Variants in CD163L1 observed in about 807,000 individuals in gnomAD.
The protein encoded by CD163L1 is CD163 molecule like 1, also known as scavenger receptor cysteine-rich type 1 protein M160.
A neutral mutation model predicts 165.4 loss-of-function variants in CD163L1; 124 were observed. The ratio of observed to expected loss-of-function variants is 0.75; its 90% CI spans 0.65 to 0.87. CD163L1 has a LOEUF of 0.87. Among genes scored for constraint, CD163L1 ranks in the 40% least tolerant of loss-of-function variants. The pLI is 0.00. For synonymous variants in CD163L1, 585 were observed against 662.2 expected (o/e 0.88, Z 1.79); for missense variants, 1,525 against 1,799.9 (o/e 0.85, Z 2.76).
At chr12:7,384,781 C>T (rs897473077) in intron 8 of CD163L1, among the ~76,000 whole-genome samples, 7 of 151,764 alleles carry the variant, frequency 4.6e-5, no homozygotes, top group Non-Finnish European at 8.8e-5. Context: ...ATTGGTCATA[C>T]AAGAAACACT....
chr12:7,391,039 TC>T (rs1480809375), intron 8 of CD163L1, among the ~76,000 whole-genome samples: 1 of 152,182 alleles, frequency 6.6e-6, no homozygotes, highest in African/African-American at 2.4e-5. Flanking sequence ...CTTCTGCATT[TC>T]CAACTGAGCC....
chr12:7,416,428 T>A (rs11053778), intron 4 of CD163L1, among the ~76,000 whole-genome samples: 18,725 of 152,206 alleles, frequency 0.12, 1,663 homozygotes, highest in African/African-American at 0.24. Flanking sequence ...TTTAATTAGA[T>A]CCCATTTGTC....
At chr12:7,397,417 A>T (rs1342400474) in intron 7 of CD163L1, among the ~76,000 whole-genome samples, 4 of 152,172 alleles carry the variant, frequency 2.6e-5, no homozygotes, top group Non-Finnish European at 4.4e-5. Flanking sequence ...TAAGGTACTG[A>T]ATTCTCAACC....
Position 7,403,532 on chromosome 12 carries a change from T to C in CD163L1, c.1408+3A>G. 1.2e-6 allele frequency: 2 copies of C among 1,608,590 alleles called. No individual in the cohort carries two copies. Among genetic ancestry groups the C allele is most frequent in the South Asian group, 2.2e-5 (2 of 89,904 alleles). On this transcript the variant is annotated splice_donor_region_variant and intron_variant, in intron 6 of 19. Coordinates refer to ENST00000313599, the MANE Select transcript of CD163L1 (RefSeq NM_174941.6). ...GTACACTCTCATGATCTTTGAACCT[T>C]ACCAGAACAAATTACTCCAGCATCT...
At chr12:7,435,095 C>T (rs1199612122) in intron 2 of CD163L1, among the ~76,000 whole-genome samples, 1 of 152,074 alleles carries the variant, frequency 6.6e-6, no homozygotes. Flanking sequence ...TTGATACACA[C>T]ACACACAGAG....
the CD163L1 span, chr12:7,324,368 C>T: frequency 5.6e-6 from 9 of 1,614,034 alleles, no homozygotes; most frequent in South Asian, 4.4e-5. Context: ...TCTGGTTTGT[C>T]GGCAGAGCTG....
At position 7,439,463 on chromosome 12, in the gene CD163L1, C is replaced by T. The variant is rs773240611; in HGVS notation, c.124+1691G>A. On this transcript the variant is annotated intron_variant, in intron 2 of 19. Coordinates refer to ENST00000313599, the MANE Select transcript of CD163L1 (RefSeq NM_174941.6). ...GGTTTGGACTTGTCTTTTAGCTTCC[C>T]GGCCTTTGCTTTTTTCTTTTTCAGA... The T allele has an allele frequency of 1.3e-4, 210 of 1,582,720 alleles. 2 individuals carry two copies. In the African/African-American group the frequency reaches 2.6e-3, roughly 20 times the overall value.
chr12:7,380,639 G>A (rs1218707210), intron 8 of CD163L1, among the ~76,000 whole-genome samples: 2 of 152,046 alleles, frequency 1.3e-5, no homozygotes, highest in African/African-American at 4.8e-5. Flanking sequence ...GAAAGGGTAC[G>A]AGGGGTTTGA....
chr12:7,403,605 C>T lies in CD163L1; in HGVS notation c.1338G>A (p.Trp446Ter). ...ISCTGNESAL[W>*]DCTYDGKAKR... ...TTGCTTTTCCATCATATGTGCAGTC[C>T]CAGAGAGCTGACTCATTCCCAGTGC... The change falls in exon 6 of 20, where the codon TGG becomes TGA. Residue 446 changes from tryptophan to a stop codon, truncating the protein, a stop_gained. Coordinates refer to ENST00000313599, the MANE Select transcript of CD163L1 (RefSeq NM_174941.6). LOFTEE classifies it high-confidence loss of function. The T allele has an allele frequency of 6.2e-7, 1 of 1,613,902 alleles. No individual in the cohort carries two copies.
chr12:7,339,014 G>T, the CD163L1 span, among the ~76,000 whole-genome samples: 3 of 152,148 alleles, frequency 2.0e-5, no homozygotes, highest in Non-Finnish European at 4.4e-5. Context: ...ATAAAGAAAT[G>T]TAAGTGTCAT....
intron 2 of CD163L1, among the ~76,000 whole-genome samples, chr12:7,437,670 CTTT>C (rs199974619): frequency 1.3e-4 from 17 of 132,796 alleles, no homozygotes; most frequent in East Asian, 2.1e-4. Context: ...TGAACTCATC[CTTT>C]TTTTTTTTTT....
chr12:7,422,777 A>C (rs1473168479), intron 4 of CD163L1, among the ~76,000 whole-genome samples: 1 of 149,384 alleles, frequency 6.7e-6, no homozygotes, highest in Non-Finnish European at 1.5e-5. Flanking sequence ...GTGTGTGTAT[A>C]TATATATATA....
intron 4 of CD163L1, among the ~76,000 whole-genome samples, chr12:7,418,703 C>T (rs953289779): frequency 6.6e-6 from 1 of 151,858 alleles, no homozygotes; most frequent in African/African-American, 2.4e-5. Context: ...AATATTACAA[C>T]CAATATCACA....
Position 7,375,397 on chromosome 12 carries a change from A to G in CD163L1, c.2885T>C (p.Val962Ala). Residue 962 changes from valine to alanine, a missense_variant, in exon 11 of 20, where the codon GTG (valine) becomes GCG (alanine). Physicochemically the swap from Val to Ala is moderately conservative, Grantham distance 64 (BLOSUM62 0). Transcript: ENST00000313599. The stretch of plus-strand genomic sequence containing the variant: ...TAAGCAATGAAACCTGTGTCCCCAC[A>G]CACGAACACTTCTTTCTCCAATATA... ...GKYIGERSVR[V>A]WGHRFHCLGN... 2 of 1,614,196 alleles carry G rather than the reference A, an allele frequency of 1.2e-6. No homozygotes were observed. Among genetic ancestry groups the G allele is most frequent in the Non-Finnish European group, 1.7e-6 (2 of 1,180,034 alleles).
At position 7,374,590 on chromosome 12, in the gene CD163L1, G is replaced by A. The variant is rs775070337; in HGVS notation, c.3261C>T (p.Val1087=). 6.2e-7 allele frequency: 1 copy of A among 1,614,204 alleles called. No individual in the cohort carries two copies. The highest frequency in any genetic ancestry group is 8.5e-7 in the Non-Finnish European group (1 of 1,180,036). Reference sequence around the variant, plus strand: ...CTGACCCCTCCCCAAAGTGAGCAGAGACCGTGGCATTGAAGGCCACTCCAC... The same window carrying A: ...CTGACCCCTCCCCAAAGTGAGCAGAAACCGTGGCATTGAAGGCCACTCCAC... The part of the protein sequence containing the change: ...LGCGVAFNAT[V]SAHFGEGSGP... The change falls in exon 13 of 20, where the codon GTC becomes GTT. Residue 1087 remains valine, a synonymous_variant. Coordinates refer to ENST00000313599, the MANE Select transcript of CD163L1 (RefSeq NM_174941.6). This position sits in a 1 kb window ranked among gnomAD's most constrained non-coding sequence, Gnocchi z 5.4.
At chr12:7,402,693 T>A (rs750736855) in intron 6 of CD163L1, among the ~76,000 whole-genome samples, 2 of 152,006 alleles carry the variant, frequency 1.3e-5, no homozygotes, top group African/African-American at 4.8e-5. Context: ...TGGAGTGCAG[T>A]GACCCAATCA....
intron 4 of CD163L1, among the ~76,000 whole-genome samples, chr12:7,348,525 T>C (rs758700728): frequency 1.1e-4 from 17 of 152,190 alleles, no homozygotes; most frequent in Admixed American, 1.3e-4. Flanking sequence ...ATTTAGTATA[T>C]AGCTATTGAG....
chr12:7,330,483 G>T, the CD163L1 span, among the ~76,000 whole-genome samples: 1 of 152,056 alleles, frequency 6.6e-6, no homozygotes, highest in Admixed American at 6.5e-5. Flanking sequence ...TCAAATTCAG[G>T]GAACCCCTGC....
chr12:7,421,087 G>GTA (rs1491330113), intron 4 of CD163L1, among the ~76,000 whole-genome samples: 26 of 94,018 alleles, frequency 2.8e-4, no homozygotes, highest in African/African-American at 1.1e-3. Flanking sequence ...ATATATATAC[G>GTA]TATATATATG....
Sources: gnomAD v4.1 joint callset for allele counts (sites outside exome capture counted in the v4.1 genomes callset) on GRCh38, gnomAD v4.1.1 for gene constraint, Gnocchi (gnomAD v3.1) non-coding constraint, MANE v1.5 for transcripts, NCBI Gene and HGNC (gene_info 2026-07-23, HGNC 2026-07-21) for gene names.